The following TMCC1 variants were observed in gnomAD, a reference collection of about 807,000 sequenced individuals.
The protein encoded by TMCC1 is transmembrane and coiled-coil domain family 1, also known as transmembrane and coiled-coil domains protein 1.
A neutral mutation model predicts 52.4 loss-of-function variants in TMCC1; 15 were observed. That is an observed-to-expected ratio of 0.29 (90% CI 0.19 to 0.44). TMCC1 has a LOEUF of 0.44. Ranked by LOEUF, TMCC1 falls within the 20% of genes least tolerant of loss-of-function variation. The pLI is 1.00. For missense variants in TMCC1, 503 were observed against 806.0 expected (o/e 0.62, Z 4.55); for synonymous variants, 279 against 301.9 (o/e 0.92, Z 0.79).
rs1332911039 is a variant in TMCC1, at chr3:129,879,501, A to G, written c.-184+808T>C. Among the ~76,000 whole-genome samples, 6 of 152,326 alleles carry G rather than the reference A, an allele frequency of 3.9e-5. No homozygotes were observed. The South Asian group carries it at 1.0e-3, about 26-fold the overall frequency. ...TTGAGTGAAAACAACAGATATACCT[A>G]TAACTGTCTACAACGCAATAACAAT... On this transcript the variant is annotated intron_variant, in intron 2 of 6. Transcript: ENST00000393238.
rs574143618 is a variant in TMCC1 at position 129,822,765 on chromosome 3, G to T, written c.576+5038C>A. 7.8e-4 allele frequency among the ~76,000 whole-genome samples: 118 copies of T among 152,206 alleles called. 1 individual carries two copies. Among genetic ancestry groups the T allele is most frequent in the African/African-American group, 2.8e-3 (115 of 41,522 alleles). ...TTCAGGCAGGTTTTTAACATCTCTG[G>T]ACCTGTAAAATCAGGAGTTTGATTA... On this transcript the variant is annotated intron_variant, in intron 4 of 6. Transcript: ENST00000393238.
chr3:129,886,120 A>T (rs139187177), intron 1 of TMCC1, among the ~76,000 whole-genome samples: 79 of 152,304 alleles, frequency 5.2e-4, no homozygotes, highest in Non-Finnish European at 7.4e-4. Flanking sequence ...CCAACTGCAC[A>T]GTGAGAGACC....
At chr3:129,740,425 T>C (rs1234615032) in intron 4 of TMCC1, among the ~76,000 whole-genome samples, 1 of 152,160 alleles carries the variant, frequency 6.6e-6, no homozygotes, top group Non-Finnish European at 1.5e-5. Context: ...AAAAAGGCAA[T>C]GGCATAGGAT....
At chr3:129,888,062 A>G (rs1030861261) in intron 1 of TMCC1, among the ~76,000 whole-genome samples, 1 of 152,252 alleles carries the variant, frequency 6.6e-6, no homozygotes, top group African/African-American at 2.4e-5. Context: ...AAAAAGAACT[A>G]TCTGTAAGTC....
chr3:129,880,347 T>C lies in TMCC1; in HGVS notation c.-222A>G, dbSNP rs531175468. 1.3e-5 allele frequency: 2 copies of C among 152,286 alleles called. No individual in the cohort carries two copies. The highest frequency in any genetic ancestry group is 1.9e-4 in the East Asian group (1 of 5,192). The allele number at this position is 152,286 out of a possible 1,614,324, so 9.4% of individuals were successfully genotyped here. On this transcript the variant is annotated 5_prime_UTR_variant, in exon 2 of 7. It removes an upstream start codon present in the reference 5' UTR. Coordinates refer to ENST00000393238, the MANE Select transcript of TMCC1 (RefSeq NM_001017395.5). ...CAGCAATAGCTTCCCTTTCTTTGCA[T>C]AGGTGAGGATGAACAGTTGTAATCC...
At chr3:129,682,728 C>T (rs1002175328) in intron 4 of TMCC1, among the ~76,000 whole-genome samples, 9 of 152,206 alleles carry the variant, frequency 5.9e-5, no homozygotes, top group South Asian at 2.1e-4. Flanking sequence ...TCAATGTCCT[C>T]GCCTCTCTTT....
intron 1 of TMCC1, among the ~76,000 whole-genome samples, chr3:129,885,680 G>T (rs1041780271): frequency 2.0e-5 from 3 of 152,180 alleles, no homozygotes; most frequent in Non-Finnish European, 4.4e-5. Context: ...TAACATCACT[G>T]ATGCCAAATA....
At chr3:129,685,038 C>T (rs2108931345) in intron 4 of TMCC1, among the ~76,000 whole-genome samples, 1 of 152,160 alleles carries the variant, frequency 6.6e-6, no homozygotes, top group East Asian at 1.9e-4. Context: ...ACAGGTATGA[C>T]AGCAAAGTAC....
rs1425473455 is a variant in TMCC1 at position 129,650,622 on chromosome 3, A to C, written c.*859T>G. On this transcript the variant is annotated 3_prime_UTR_variant, in exon 7 of 7. Transcript: ENST00000393238. ...GACCCTCCCAACCCTGTCCAAAAAAACCCAATAATAATAATAACAATAATA... is the reference window on the plus strand; with the variant it reads ...GACCCTCCCAACCCTGTCCAAAAAACCCCAATAATAATAATAACAATAATA... 6.6e-6 allele frequency: 1 copy of C among 152,590 alleles called. No homozygotes were observed. Among genetic ancestry groups the C allele is most frequent in the African/African-American group, 2.4e-5 (1 of 41,448 alleles). 9.5% of individuals were successfully genotyped at this position (152,590 alleles called of 1,614,324 possible).
intron 4 of TMCC1, among the ~76,000 whole-genome samples, chr3:129,773,812 C>T (rs1014615537): frequency 3.9e-5 from 6 of 152,090 alleles, no homozygotes; most frequent in Admixed American, 6.6e-5. Context: ...GGCATGGTAA[C>T]ACTTGCCTGT....
chr3:129,788,721 G>C (rs1185820871), intron 4 of TMCC1, among the ~76,000 whole-genome samples: 2 of 151,924 alleles, frequency 1.3e-5, no homozygotes, highest in Admixed American at 6.6e-5. Context: ...GCCCGTCTTG[G>C]CCTTCCAAAG....
At chr3:129,782,264 C>T (rs1024819512) in intron 4 of TMCC1, among the ~76,000 whole-genome samples, 1 of 152,088 alleles carries the variant, frequency 6.6e-6, no homozygotes, top group African/African-American at 2.4e-5. Flanking sequence ...GTAAATTGAA[C>T]TGAGCCTAGG....
At chr3:129,826,940 G>C (rs1178989563) in intron 4 of TMCC1, among the ~76,000 whole-genome samples, 1 of 152,140 alleles carries the variant, frequency 6.6e-6, no homozygotes, top group African/African-American at 2.4e-5. Context: ...TTGCATATCT[G>C]TTAAAAATCA....
intron 5 of TMCC1, among the ~76,000 whole-genome samples, chr3:129,665,038 C>T (rs145284138): frequency 6.6e-6 from 1 of 152,304 alleles, no homozygotes; most frequent in Non-Finnish European, 1.5e-5. Flanking sequence ...ACTAACTGGA[C>T]AAGAATCTGA....
intron 4 of TMCC1, among the ~76,000 whole-genome samples, chr3:129,711,015 C>T (rs765598203): frequency 2.0e-5 from 3 of 152,182 alleles, no homozygotes; most frequent in South Asian, 4.1e-4. Context: ...AGGCGCCTGC[C>T]ACCATGCCCG....
chr3:129,743,401 T>C (rs753780386), intron 4 of TMCC1, among the ~76,000 whole-genome samples: 8 of 152,160 alleles, frequency 5.3e-5, no homozygotes, highest in Non-Finnish European at 1.0e-4. Flanking sequence ...GAATTAAACA[T>C]TCCATAAAAG....
At chr3:129,652,495 C>T (rs1271167982) in intron 6 of TMCC1, among the ~76,000 whole-genome samples, 1 of 152,134 alleles carries the variant, frequency 6.6e-6, no homozygotes, top group Non-Finnish European at 1.5e-5. Context: ...GATCATAAGA[C>T]TGACAGAATG....
chr3:129,835,991 A>G (rs2059144269), intron 2 of TMCC1, among the ~76,000 whole-genome samples: 1 of 152,206 alleles, frequency 6.6e-6, no homozygotes, highest in Non-Finnish European at 1.5e-5. Flanking sequence ...AAAAAAATTA[A>G]TCAAGAATCA....
intron 4 of TMCC1, among the ~76,000 whole-genome samples, chr3:129,723,549 ATTT>A (rs767215508): frequency 0.088 from 13,442 of 151,998 alleles, 656 homozygotes; most frequent in Middle Eastern, 0.15. Context: ...AGAAACACTG[ATTT>A]TCCAGTAACT....
Sources: allele counts gnomAD v4.1 joint callset (sites outside exome capture counted in the v4.1 genomes callset), GRCh38; gene constraint gnomAD v4.1.1; transcripts MANE v1.5; gene names NCBI Gene and HGNC (gene_info 2026-07-23, HGNC 2026-07-21).